Variants in GRXCR1 observed in about 807,000 individuals in gnomAD.
The protein encoded by GRXCR1 is glutaredoxin domain-containing cysteine-rich protein 1.
In GRXCR1, 27 loss-of-function variants were observed where a neutral mutation model predicts 27.3. The observed-to-expected ratio is 0.99, with a 90% CI of 0.73 to 1.37. GRXCR1 has a LOEUF of 1.37. Ranked by LOEUF, GRXCR1 falls within the 40% of genes most tolerant of loss-of-function variation. The probability of loss-of-function intolerance (pLI) is 0.00; values close to 1 mark genes in which losing one functional copy is unlikely to be tolerated. For missense variants in GRXCR1, 379 were observed against 354.4 expected (o/e 1.07, Z -0.56); for synonymous variants, 122 against 131.1 (o/e 0.93, Z 0.47).
intron 2 of GRXCR1, among the ~76,000 whole-genome samples, chr4:42,972,023 A>C (rs2109779854): frequency 6.6e-6 from 1 of 152,178 alleles, no homozygotes; most frequent in East Asian, 1.9e-4. Context: ...CAGCCTCCCA[A>C]GTATCTGGCA....
intron 2 of GRXCR1, among the ~76,000 whole-genome samples, chr4:43,012,995 A>T (rs770257679): frequency 6.6e-6 from 1 of 152,194 alleles, no homozygotes; most frequent in East Asian, 1.9e-4. Context: ...TCTCACAGTC[A>T]GAATGGCTGT....
intron 1 of GRXCR1, among the ~76,000 whole-genome samples, chr4:42,928,612 G>T (rs965559561): frequency 2.6e-5 from 4 of 152,130 alleles, no homozygotes; most frequent in African/African-American, 7.2e-5. Context: ...TTTAGAGATA[G>T]GAGGCACTGC....
At chr4:42,895,195 A>G (rs1194388077) in intron 1 of GRXCR1, among the ~76,000 whole-genome samples, 2 of 152,166 alleles carry the variant, frequency 1.3e-5, no homozygotes, top group East Asian at 3.9e-4. Flanking sequence ...TCAAAATTTT[A>G]ACACTAGATT....
Position 43,019,488 on chromosome 4 carries a change from C to T in GRXCR1, c.628-866C>T, listed in dbSNP as rs545416877. Among the ~76,000 whole-genome samples, 6 of 152,248 alleles carry T rather than the reference C, an allele frequency of 3.9e-5. No homozygotes were observed. The South Asian group carries it at 6.2e-4, about 16-fold the overall frequency. The stretch of plus-strand genomic sequence containing the variant: ...ATTCTGAGCCAGCAACTGTGCTGAA[C>T]GCCTAGGACACAGTGACAACAAGGC... On this transcript the variant is annotated intron_variant, in intron 2 of 3. Coordinates refer to ENST00000399770, the MANE Select transcript of GRXCR1 (RefSeq NM_001080476.3).
chr4:42,929,592 T>C (rs1747257550), intron 1 of GRXCR1, among the ~76,000 whole-genome samples: 1 of 151,822 alleles, frequency 6.6e-6, no homozygotes, highest in Non-Finnish European at 1.5e-5. Flanking sequence ...GTTGGGTCTG[T>C]GTTTGTGTGG....
At chr4:43,013,486 G>C (rs77923153) in intron 2 of GRXCR1, among the ~76,000 whole-genome samples, 6,220 of 152,092 alleles carry the variant, frequency 0.041, 384 homozygotes, top group African/African-American at 0.14. Context: ...TATTAGAGTG[G>C]GGAGGGATGG....
rs537938786 is a variant in GRXCR1, at chr4:42,921,537, G to A, written c.384+27887G>A. 1.4e-4 allele frequency among the ~76,000 whole-genome samples: 21 copies of A among 152,096 alleles called. No individual in the cohort carries two copies. In the South Asian group the frequency reaches 4.4e-3, roughly 32 times the overall value. On this transcript the variant is annotated intron_variant, in intron 1 of 3. Transcript: ENST00000399770. ...TAGTTAGAATTCATGGGCAGAGTAT[G>A]GGGTACACCGTGTACTATGTATATA...
At chr4:42,916,602 G>C (rs1400514895) in intron 1 of GRXCR1, among the ~76,000 whole-genome samples, 2 of 152,048 alleles carry the variant, frequency 1.3e-5, no homozygotes, top group Non-Finnish European at 2.9e-5. Flanking sequence ...TTATATGAAT[G>C]ATGTTGCATT....
At chr4:43,012,877 A>G (rs932929715) in intron 2 of GRXCR1, among the ~76,000 whole-genome samples, 1 of 152,192 alleles carries the variant, frequency 6.6e-6, no homozygotes, top group Non-Finnish European at 1.5e-5. Flanking sequence ...CCCGTTAAAA[A>G]TGTGCGAAAG....
In GRXCR1 at chr4:42,962,966, T is replaced by C. The variant is rs776386559; in HGVS notation, c.459T>C (p.Phe153=). 2.5e-6 allele frequency: 4 copies of C among 1,612,742 alleles called. No homozygotes were observed. The African/African-American group carries it at 5.3e-5, about 22-fold the overall frequency. Residue 153 remains phenylalanine, a synonymous_variant, in exon 2 of 4, where the codon TTT becomes TTC. Coordinates refer to ENST00000399770, the MANE Select transcript of GRXCR1 (RefSeq NM_001080476.3). The part of the protein sequence containing the change: ...TTCLRVVRTT[F]ERCELVRKIF... ...GCCTTCGTGTGGTCCGGACAACCTT[T>C]GAAAGATGTGAACTGGTTAGAAAGA...
At chr4:42,932,736 T>C (rs1369891760) in intron 1 of GRXCR1, among the ~76,000 whole-genome samples, 1 of 149,484 alleles carries the variant, frequency 6.7e-6, no homozygotes, top group Non-Finnish European at 1.5e-5. Context: ...CCAGAGAGTT[T>C]ACAGGTTATT....
chr4:42,995,831 T>A (rs556450983), intron 2 of GRXCR1, among the ~76,000 whole-genome samples: 1 of 152,332 alleles, frequency 6.6e-6, no homozygotes, highest in South Asian at 2.1e-4. Context: ...GTTTGAAGAA[T>A]TGAGGAATCC....
intron 1 of GRXCR1, among the ~76,000 whole-genome samples, chr4:42,902,162 T>G (rs1746475659): frequency 6.6e-6 from 1 of 152,168 alleles, no homozygotes; most frequent in African/African-American, 2.4e-5. Flanking sequence ...AAATTGTCAG[T>G]ATAGAATAAC....
At chr4:42,899,298 G>C (rs1746414965) in intron 1 of GRXCR1, among the ~76,000 whole-genome samples, 1 of 151,986 alleles carries the variant, frequency 6.6e-6, no homozygotes, top group Non-Finnish European at 1.5e-5. Context: ...ACTATTTACT[G>C]CATATCTACC....
intron 1 of GRXCR1, among the ~76,000 whole-genome samples, chr4:42,899,435 T>A (rs1341996575): frequency 6.6e-6 from 1 of 152,178 alleles, no homozygotes; most frequent in Non-Finnish European, 1.5e-5. Context: ...AACAAAAGAT[T>A]TTGTTTTCAT....
rs1395693097 is a variant in GRXCR1 at position 42,932,587 on chromosome 4, TATATATATATATATATA to T, written c.385-30304_385-30288del. Among the ~76,000 whole-genome samples the T allele has an allele frequency of 6.4e-3, 255 of 39,904 alleles. 2 individuals carry two copies. Among genetic ancestry groups the T allele is most frequent in the African/African-American group, 0.019 (212 of 11,256 alleles). 26.2% of individuals were successfully genotyped at this position (39,904 alleles called of 152,430 possible). A position where few individuals can be genotyped will look rare whatever the true frequency, so the allele number is the denominator to read the frequency against. ...TCTTAAACTCCCTTCCATATATATATATATATATATATATATATATATATATATATATAGAGAGAGAG... is the reference window on the plus strand; with the variant it reads ...TCTTAAACTCCCTTCCATATATATATTATATATATATATATAGAGAGAGAG... On this transcript the variant is annotated intron_variant, in intron 1 of 3. Coordinates refer to ENST00000399770, the MANE Select transcript of GRXCR1 (RefSeq NM_001080476.3).
intron 1 of GRXCR1, among the ~76,000 whole-genome samples, chr4:42,903,299 G>T (rs1746505772): frequency 7.4e-6 from 1 of 135,690 alleles, no homozygotes; most frequent in Admixed American, 8.4e-5. Context: ...TTGGGCCACA[G>T]CTTTGTAGAT....
At chr4:42,922,707 A>G (rs1747044296) in intron 1 of GRXCR1, among the ~76,000 whole-genome samples, 1 of 151,982 alleles carries the variant, frequency 6.6e-6, no homozygotes, top group Admixed American at 6.6e-5. Context: ...CCTCCTTGTA[A>G]ATGGCTTGTA....
chr4:42,968,324 A>G (rs908481321), intron 2 of GRXCR1, among the ~76,000 whole-genome samples: 2 of 152,104 alleles, frequency 1.3e-5, no homozygotes, highest in African/African-American at 4.8e-5. Context: ...CAAAGGTTAA[A>G]ACATTATTAT....
Sources: allele counts gnomAD v4.1 joint callset (sites outside exome capture counted in the v4.1 genomes callset), GRCh38; gene constraint gnomAD v4.1.1; transcripts MANE v1.5; gene names NCBI Gene and HGNC (gene_info 2026-07-23, HGNC 2026-07-21).